The following STK32B variants were observed in gnomAD, a reference collection of about 807,000 sequenced individuals.
The protein encoded by STK32B is serine/threonine-protein kinase 32B.
In STK32B, 43 loss-of-function variants were observed where a neutral mutation model predicts 52.6. The observed-to-expected ratio is 0.82, with a 90% CI of 0.64 to 1.05. The LOEUF is 1.05. Ranked by LOEUF, STK32B falls within the 50% of genes least tolerant of loss-of-function variation. The probability of loss-of-function intolerance (pLI) is 0.00; values close to 1 mark genes in which losing one functional copy is unlikely to be tolerated. For synonymous variants in STK32B, 238 were observed against 204.3 expected (o/e 1.17, Z -1.41); for missense variants, 621 against 534.6 (o/e 1.16, Z -1.59).
chr4:5,323,504 A>G (rs980872342), intron 3 of STK32B, among the ~76,000 whole-genome samples: 155 of 152,248 alleles, frequency 1.0e-3, no homozygotes, highest in African/African-American at 3.5e-3. Flanking sequence ...ACTCAGGCTA[A>G]TGGGAGTCCC....
the STK32B span, among the ~76,000 whole-genome samples, chr4:5,042,542 C>T: frequency 2.6e-5 from 4 of 152,072 alleles, no homozygotes; most frequent in East Asian, 3.9e-4. Context: ...TCTTCCAGAC[C>T]GTGTCAGTGT....
intron 3 of STK32B, among the ~76,000 whole-genome samples, chr4:5,307,546 A>ATTTTTTTTTTTTTTT (rs769423490): frequency 7.6e-6 from 1 of 131,098 alleles, no homozygotes; most frequent in African/African-American, 3.4e-5. Context: ...CATATGCTCT[A>ATTTTTTTTTTTTTTT]TCTTTTTTTT....
chr4:5,329,005 A>G (rs189666200), intron 3 of STK32B, among the ~76,000 whole-genome samples: 1 of 152,192 alleles, frequency 6.6e-6, no homozygotes, highest in African/African-American at 2.4e-5. Flanking sequence ...AATTAATAAT[A>G]CCAACAATAA....
chr4:5,459,119 A>G (rs1716816387), intron 8 of STK32B, among the ~76,000 whole-genome samples: 1 of 152,212 alleles, frequency 6.6e-6, no homozygotes, highest in African/African-American at 2.4e-5. Context: ...GACAGCCCCT[A>G]AAGAGTGGCA....
At chr4:5,155,690 T>A (rs1333777635) in intron 2 of STK32B, among the ~76,000 whole-genome samples, 1 of 152,164 alleles carries the variant, frequency 6.6e-6, no homozygotes, top group Non-Finnish European at 1.5e-5. Context: ...CTGATGGTTT[T>A]AAGGTGTGGC....
Position 5,456,933 on chromosome 4 carries a change from C to A in STK32B, c.783+10C>A. On this transcript the variant is annotated intron_variant, in intron 8 of 11. Coordinates refer to ENST00000282908, the MANE Select transcript of STK32B (RefSeq NM_018401.3). ...GGCCCTGCTGAGGAAGGTAAGGGGG[C>A]AGCTTCCAGCCTGCCCCGCCAGGGA... The A allele has an allele frequency of 6.6e-7, 1 of 1,515,078 alleles. No individual in the cohort carries two copies. Among genetic ancestry groups the A allele is most frequent in the East Asian group, 2.5e-5 (1 of 40,068 alleles). The allele number at this position is 1,515,078 out of a possible 1,614,324, so 93.9% of individuals were successfully genotyped here.
At chr4:5,365,562 C>G (rs1053698851) in intron 4 of STK32B, among the ~76,000 whole-genome samples, 7 of 152,212 alleles carry the variant, frequency 4.6e-5, no homozygotes, top group African/African-American at 1.7e-4. Context: ...TCAAATAACA[C>G]TCTGTTTTAC....
At chr4:5,479,097 GT>G (rs146456663) in intron 11 of STK32B, among the ~76,000 whole-genome samples, 12 of 147,012 alleles carry the variant, frequency 8.2e-5, no homozygotes, top group African/African-American at 3.0e-4. Context: ...TTTTTTGTTG[GT>G]TTTTGTTTGT....
At position 5,399,935 on chromosome 4, in the gene STK32B, T is replaced by C. The variant is rs1361039961; in HGVS notation, c.472+1691T>C. ...GAGAAAACACAGAGGCTGGTTCTGC[T>C]TAGCTGTCTGGAAAGCAGGGGTCTG... is the stretch of plus-strand genomic sequence containing the variant. On this transcript the variant is annotated intron_variant, in intron 5 of 11. Coordinates refer to ENST00000282908, the MANE Select transcript of STK32B (RefSeq NM_018401.3). This position sits in a 1 kb window ranked among gnomAD's most constrained non-coding sequence, Gnocchi z 5.4. Among the ~76,000 whole-genome samples the C allele has an allele frequency of 6.6e-6, 1 of 152,056 alleles. No homozygotes were observed. The highest frequency in any genetic ancestry group is 1.5e-5 in the Non-Finnish European group (1 of 68,030).
At chr4:5,145,503 G>C (rs1421945194) in intron 2 of STK32B, among the ~76,000 whole-genome samples, 2 of 152,102 alleles carry the variant, frequency 1.3e-5, no homozygotes, top group Admixed American at 1.3e-4. Flanking sequence ...ACCCTTTACT[G>C]TCAAAACCTC....
chr4:5,327,724 G>C (rs943732339), intron 3 of STK32B, among the ~76,000 whole-genome samples: 18 of 152,124 alleles, frequency 1.2e-4, no homozygotes, highest in Non-Finnish European at 2.1e-4. Context: ...AATGGTAAAT[G>C]AGCATTGGCT....
intron 3 of STK32B, among the ~76,000 whole-genome samples, chr4:5,181,015 G>C (rs1485193806): frequency 1.3e-5 from 2 of 152,124 alleles, no homozygotes; most frequent in African/African-American, 4.8e-5. Flanking sequence ...CCCATGAGTG[G>C]GAGCCCTGGT....
intron 11 of STK32B, among the ~76,000 whole-genome samples, chr4:5,471,706 G>C (rs7669467): frequency 0.16 from 23,975 of 152,074 alleles, 4,413 homozygotes; most frequent in African/African-American, 0.45. Context: ...TCCCACAAGC[G>C]ATTCTGATGC....
intron 4 of STK32B, among the ~76,000 whole-genome samples, chr4:5,366,007 A>T (rs770826465): frequency 2.6e-5 from 4 of 151,808 alleles, no homozygotes; most frequent in Middle Eastern, 3.2e-3. Flanking sequence ...CAGACTCTGG[A>T]TACTTCCTCC....
chr4:5,249,478 CCTTCCTTCCTTCCTTCCTTCCTT>C (rs1725746945), intron 3 of STK32B, among the ~76,000 whole-genome samples: 4 of 143,174 alleles, frequency 2.8e-5, no homozygotes, highest in South Asian at 2.2e-4. Context: ...TTCCTTCCTT[CCTTCCTTCCTTCCTTCCTTCCTT>C]CCTCCCTCCC....
chr4:5,450,338 C>T (rs1181559333), intron 7 of STK32B, among the ~76,000 whole-genome samples: 5 of 152,178 alleles, frequency 3.3e-5, no homozygotes, highest in Non-Finnish European at 7.3e-5. Flanking sequence ...TTCCCCTGAC[C>T]ATATCCACAG....
At chr4:5,107,464 G>A (rs543867400) in intron 1 of STK32B, among the ~76,000 whole-genome samples, 2 of 152,300 alleles carry the variant, frequency 1.3e-5, no homozygotes, top group East Asian at 3.9e-4. Flanking sequence ...TCCTAAAAGT[G>A]TGGGGACCAC....
At chr4:5,123,321 C>G (rs7660270) in intron 1 of STK32B, among the ~76,000 whole-genome samples, 1 of 151,962 alleles carries the variant, frequency 6.6e-6, no homozygotes, top group Non-Finnish European at 1.5e-5. Flanking sequence ...TCTCTGCACC[C>G]GGCTTCATCT....
chr4:5,287,080 G>A (rs749396331), intron 3 of STK32B, among the ~76,000 whole-genome samples: 4 of 152,144 alleles, frequency 2.6e-5, no homozygotes, highest in Admixed American at 6.5e-5. Context: ...ACAGGCATGA[G>A]CCACCGCGCC....
Sources: allele counts gnomAD v4.1 joint callset (sites outside exome capture counted in the v4.1 genomes callset), GRCh38; gene constraint gnomAD v4.1.1; non-coding constraint Gnocchi (gnomAD v3.1); transcripts MANE v1.5; gene names NCBI Gene and HGNC (gene_info 2026-07-23, HGNC 2026-07-21).